The following MCAT variants were observed in gnomAD, a reference collection of about 807,000 sequenced individuals.
MCAT encodes the protein malonyl-CoA-acyl carrier protein transacylase.
MCAT carries 22 observed loss-of-function variants against 22.9 expected under a neutral mutation model. The ratio of observed to expected loss-of-function variants is 0.96; its 90% CI spans 0.69 to 1.37. The LOEUF (loss-of-function observed/expected upper bound fraction) is 1.37. Ranked by LOEUF, MCAT falls within the 40% of genes most tolerant of loss-of-function variation. The pLI, the probability that MCAT is intolerant of heterozygous loss-of-function variation, is 0.00. For synonymous variants in MCAT, 240 were observed against 233.9 expected, an observed-to-expected ratio of 1.03 and a Z score of -0.24; for missense variants, 534 against 533.6, an observed-to-expected ratio of 1.00 and a Z score of -0.01.
intron 3 of MCAT, among the ~76,000 whole-genome samples, chr22:43,136,318 A>G (rs772322518): frequency 3.3e-5 from 5 of 152,246 alleles, no homozygotes; most frequent in African/African-American, 1.2e-4. Flanking sequence ...GAAGTAAGAC[A>G]GAAATGCCTG....
Position 43,143,342 on chromosome 22 carries a change from C to T in MCAT, c.7G>A (p.Val3Ile). Residue 3 changes from valine to isoleucine, a missense_variant, in exon 1 of 4, where the codon GTC (valine) becomes ATC (isoleucine). Coordinates refer to ENST00000290429, the MANE Select transcript of MCAT (RefSeq NM_173467.5). MS[V>I]RVARVAWVRG... ...ACCCACGCTACCCGTGCGACCCGGACGCTCATGGTCGGACACCTGCCCGCG... is the reference window on the plus strand; with the variant it reads ...ACCCACGCTACCCGTGCGACCCGGATGCTCATGGTCGGACACCTGCCCGCG... 1 of 1,377,174 alleles carries T rather than the reference C, an allele frequency of 7.3e-7. No individual in the cohort carries two copies. Among genetic ancestry groups the T allele is most frequent in the South Asian group, 1.7e-5 (1 of 59,456 alleles). The allele number at this position is 1,377,174 out of a possible 1,614,324, so 85.3% of individuals were successfully genotyped here.
At chr22:43,137,568 C>G (rs898458220) in intron 2 of MCAT, among the ~76,000 whole-genome samples, 1 of 152,212 alleles carries the variant, frequency 6.6e-6, no homozygotes, top group Non-Finnish European at 1.5e-5. Flanking sequence ...TGGTGCTCAA[C>G]AGGCCGGGGG....
rs1387749705 is a variant in MCAT, at chr22:43,137,246, A to G, written c.564T>C (p.Ala188=). ...GGACAGACAGCATCCCACTGGGGAC[A>G]GCTTCTGAAGCTTCCTGCATGGCCT... The part of the protein sequence containing the change: ...RAEAMQEASE[A]VPSGMLSVLG... The change falls in exon 3 of 4, where the codon GCT becomes GCC. Residue 188 remains alanine, a synonymous_variant. Transcript: ENST00000290429. 2 of 1,614,198 alleles carry G rather than the reference A, an allele frequency of 1.2e-6. No individual in the cohort carries two copies. The highest frequency in any genetic ancestry group is 4.5e-5 in the East Asian group (2 of 44,886).
chr22:43,137,546 G>A (rs1930653151), intron 2 of MCAT, among the ~76,000 whole-genome samples: 1 of 152,142 alleles, frequency 6.6e-6, no homozygotes, highest in Admixed American at 6.6e-5. Flanking sequence ...AAGCTGGTTT[G>A]GAGTAGGACA....
chr22:43,133,937 C>G (rs2147031954), intron 3 of MCAT, among the ~76,000 whole-genome samples: 1 of 152,072 alleles, frequency 6.6e-6, no homozygotes, highest in Non-Finnish European at 1.5e-5. Flanking sequence ...TCCCAAGTAG[C>G]TGGGACTACA....
chr22:43,134,790 T>C (rs937863087), intron 3 of MCAT, among the ~76,000 whole-genome samples: 3 of 152,196 alleles, frequency 2.0e-5, no homozygotes, highest in Non-Finnish European at 4.4e-5. Context: ...TCACCCTCCA[T>C]GTGGCTCCAT....
chr22:43,142,798 A>AC lies in MCAT; in HGVS notation c.423+127_423+128insG, dbSNP rs1324234651. 186 of 1,063,524 alleles carry AC rather than the reference A, an allele frequency of 1.7e-4. No homozygotes were observed. In the African/African-American group the frequency reaches 2.8e-3, roughly 16 times the overall value. The allele number at this position is 1,063,524 out of a possible 1,614,324, so 65.9% of individuals were successfully genotyped here. Reference sequence around the variant, plus strand: ...TCAAAAAAAAAAACAAAAACAAACAAAAAAAAAAACTCGATCGAATGAGTA... The same window carrying AC: ...TCAAAAAAAAAAACAAAAACAAACAACAAAAAAAAACTCGATCGAATGAGTA... On this transcript the variant is annotated intron_variant, in intron 1 of 3. Coordinates refer to ENST00000290429, the MANE Select transcript of MCAT (RefSeq NM_173467.5).
intron 3 of MCAT, 56 bp downstream of exon 3, chr22:43,137,025 A>T: frequency 1.4e-6 from 2 of 1,452,932 alleles, no homozygotes; most frequent in Non-Finnish European, 1.9e-6. Flanking sequence ...GGTGTGGAGC[A>T]GTTCCAACCC....
At chr22:43,142,303 T>C (rs1315803670) in intron 1 of MCAT, among the ~76,000 whole-genome samples, 2 of 147,334 alleles carry the variant, frequency 1.4e-5, no homozygotes, top group Non-Finnish European at 3.0e-5. Context: ...CCGAGGTGGG[T>C]GAACCTGGGA....
In MCAT at chr22:43,133,401, C is replaced by A. The variant is rs371131732; in HGVS notation, c.815G>T (p.Arg272Leu). 1 of 1,613,994 alleles carries A rather than the reference C, an allele frequency of 6.2e-7. No individual in the cohort carries two copies. Among genetic ancestry groups the A allele is most frequent in the Non-Finnish European group, 8.5e-7 (1 of 1,179,918 alleles). ...GGGCTCCACGGCTGGCTCCATGAGGCGGGTGTGGAATGCGCCACTAACCGG... is the reference window on the plus strand; with the variant it reads ...GGGCTCCACGGCTGGCTCCATGAGGAGGGTGTGGAATGCGCCACTAACCGG... The part of the protein sequence containing the change: ...MLPVSGAFHT[R>L]LMEPAVEPLT... Residue 272 changes from arginine (R) to leucine (L), a missense_variant, in exon 4 of 4, where the codon CGC (arginine) becomes CTC (leucine). Physicochemically the swap from Arg to Leu is moderately radical, Grantham distance 102. Coordinates refer to ENST00000290429, the MANE Select transcript of MCAT (RefSeq NM_173467.5).
intron 2 of MCAT, among the ~76,000 whole-genome samples, chr22:43,138,097 C>G (rs1461246514): frequency 6.6e-6 from 1 of 152,050 alleles, no homozygotes; most frequent in Non-Finnish European, 1.5e-5. Context: ...CATGGTGGTG[C>G]CTGCCTGTAG....
In MCAT at chr22:43,141,213, C is replaced by T; in HGVS notation, c.460G>A (p.Val154Met). ...AACACTAGGGCTGCAAACTCTCCCACACTGAATCCAGCAGCAGCAACACAG... is the reference window on the plus strand; with the variant it reads ...AACACTAGGGCTGCAAACTCTCCCATACTGAATCCAGCAGCAGCAACACAG... ...ENCVAAAGFS[V>M]GEFAALVFAG... is the part of the protein sequence containing the mutation. The change falls in exon 2 of 4, where the codon GTG becomes ATG. Residue 154 changes from valine (V) to methionine (M), a missense_variant. Transcript: ENST00000290429. 1 of 1,614,132 alleles carries T rather than the reference C, an allele frequency of 6.2e-7. No homozygotes were observed. The highest frequency in any genetic ancestry group is 8.5e-7 in the Non-Finnish European group (1 of 1,180,026).
At chr22:43,138,936 T>C (rs1469067726) in intron 2 of MCAT, among the ~76,000 whole-genome samples, 1 of 152,196 alleles carries the variant, frequency 6.6e-6, no homozygotes, top group Non-Finnish European at 1.5e-5. Context: ...TTCTATGTAC[T>C]GGACTTTTAG....
At chr22:43,135,861 C>G (rs561669131) in intron 3 of MCAT, among the ~76,000 whole-genome samples, 4 of 152,224 alleles carry the variant, frequency 2.6e-5, no homozygotes, top group Non-Finnish European at 5.9e-5. Context: ...CAGAGTGAGA[C>G]AGACTCAGGT....
intron 2 of MCAT, among the ~76,000 whole-genome samples, chr22:43,137,866 G>A (rs1277077600): frequency 6.6e-6 from 1 of 152,144 alleles, no homozygotes; most frequent in Non-Finnish European, 1.5e-5. Context: ...TTAGTAAAAT[G>A]AGGATAATAA....
intron 2 of MCAT, among the ~76,000 whole-genome samples, chr22:43,137,576 G>A (rs2147034714): frequency 6.6e-6 from 1 of 152,290 alleles, no homozygotes; most frequent in Non-Finnish European, 1.5e-5. Context: ...AACAGGCCGG[G>A]GGCAGTGTCC....
Position 43,137,244 on chromosome 22 carries a change from A to G in MCAT, c.566T>C (p.Val189Ala). ...AEAMQEASEA[V>A]PSGMLSVLGQ... ...GAGGACAGACAGCATCCCACTGGGG[A>G]CAGCTTCTGAAGCTTCCTGCATGGC... Residue 189 changes from valine to alanine, a missense_variant, in exon 3 of 4, where the codon GTC becomes GCC. Physicochemically the swap from Val to Ala is moderately conservative, Grantham distance 64 (BLOSUM62 0). Coordinates refer to ENST00000290429, the MANE Select transcript of MCAT (RefSeq NM_173467.5). 6.2e-7 allele frequency: 1 copy of G among 1,614,192 alleles called. No homozygotes were observed. Among genetic ancestry groups the G allele is most frequent in the Non-Finnish European group, 8.5e-7 (1 of 1,180,042 alleles).
chr22:43,140,913 C>T (rs1930749082), intron 2 of MCAT: 1 of 503,988 alleles, frequency 2.0e-6, no homozygotes, highest in African/African-American at 1.9e-5. Context: ...TATGAGTGCA[C>T]AGGATAGCGG....
chr22:43,138,084 A>C (rs552118278), intron 2 of MCAT, among the ~76,000 whole-genome samples: 1 of 152,184 alleles, frequency 6.6e-6, no homozygotes, highest in Admixed American at 6.5e-5. Context: ...CAAATTAGCC[A>C]GGCATGGTGG....
Sources: allele counts gnomAD v4.1 joint callset (sites outside exome capture counted in the v4.1 genomes callset), GRCh38; gene constraint gnomAD v4.1.1; transcripts MANE v1.5; gene names NCBI Gene and HGNC (gene_info 2026-07-23, HGNC 2026-07-21).